TSPEAR: variants seen among roughly 807,000 people sequenced by gnomAD.
The protein encoded by TSPEAR is thrombospondin type laminin G domain and EAR repeats.
Under a neutral mutation model 71.6 loss-of-function variants are expected in TSPEAR, and 69 were observed. That is an observed-to-expected ratio of 0.96 (90% confidence interval 0.79 to 1.18). TSPEAR has a LOEUF of 1.18. Among genes scored for constraint, TSPEAR ranks in the 50% most tolerant of loss-of-function variants. The pLI is 0.00. For missense variants in TSPEAR, 971 were observed against 894.9 expected (o/e 1.09, Z -1.09); for synonymous variants, 402 against 387.2 (o/e 1.04, Z -0.45).
intron 1 of TSPEAR, among the ~76,000 whole-genome samples, chr21:44,568,211 CT>C (rs2053729691): frequency 1.3e-5 from 2 of 152,206 alleles, no homozygotes; most frequent in Non-Finnish European, 2.9e-5. Context: ...CCCCCCACCC[CT>C]CCTCCTGCTC....
chr21:44,690,513 C>G, intron 1 of TSPEAR: 1 of 979,486 alleles, frequency 1.0e-6, no homozygotes, highest in African/African-American at 1.7e-5. Flanking sequence ...CATCAGACAT[C>G]TCATCAGCAG....
intron 2 of TSPEAR, 116 bp from the exon 3 acceptor site, chr21:44,534,039 A>AC: frequency 2.6e-6 from 2 of 755,570 alleles, no homozygotes; most frequent in Non-Finnish European, 4.4e-6. Flanking sequence ...GCAGGGGCTG[A>AC]CTGGAGGGGC....
chr21:44,506,337 C>T lies in TSPEAR; in HGVS notation c.1755-1456G>A, dbSNP rs374286181. On this transcript the variant is annotated intron_variant, in intron 10 of 11. Transcript: ENST00000323084. This position sits in a 1 kb window ranked among gnomAD's most constrained non-coding sequence, Gnocchi z 4.2. Reference sequence around the variant, plus strand: ...AAGATGAGGAAATGGAGGTCGAAGCCATGCACACGCAGGCGTCCTGCTGAC... The same window carrying T: ...AAGATGAGGAAATGGAGGTCGAAGCTATGCACACGCAGGCGTCCTGCTGAC... Among the ~76,000 whole-genome samples, 1 of 152,242 alleles carries T rather than the reference C, an allele frequency of 6.6e-6. No homozygotes were observed.
intron 1 of TSPEAR, chr21:44,602,258 C>T (rs782528254): frequency 6.6e-5 from 11 of 165,892 alleles, no homozygotes; most frequent in East Asian, 1.7e-4. Flanking sequence ...GCTGCTCCCA[C>T]GCCACGAGGT....
chr21:44,567,924 CCGTGAACCTGAACTA>C lies in TSPEAR; in HGVS notation c.149_163del (p.Ile50_Gly55delinsSer). 1 of 1,604,578 alleles carries C rather than the reference CCGTGAACCTGAACTA, an allele frequency of 6.2e-7. No homozygotes were observed. ...TACTGAGAGCTGGAGTCCCCGTGCA[CCGTGAACCTGAACTA>C]TCCTGATCCCGCTTGTGGCGCCATC... is the stretch of plus-strand genomic sequence containing the variant. On this transcript the variant is annotated inframe_deletion, in exon 2 of 12. Transcript: ENST00000323084.
At position 44,527,225 on chromosome 21, in the gene TSPEAR, C is replaced by T. The variant is rs587719818; in HGVS notation, c.1149+67G>A. The T allele has an allele frequency of 4.5e-6, 7 of 1,553,532 alleles. No individual in the cohort carries two copies. The South Asian group carries it at 6.8e-5, about 15-fold the overall frequency. ...TTACCTGCAGAATCAGTGTAGGGGGCCCCGCCTGTGGACTCGGGGCTTTCC... is the reference window on the plus strand; with the variant it reads ...TTACCTGCAGAATCAGTGTAGGGGGTCCCGCCTGTGGACTCGGGGCTTTCC... On this transcript the variant is annotated intron_variant, in intron 7 of 11. Transcript: ENST00000323084.
intron 9 of TSPEAR, among the ~76,000 whole-genome samples, chr21:44,514,639 C>G (rs17004654): frequency 0.055 from 8,380 of 152,258 alleles, 757 homozygotes; most frequent in African/African-American, 0.18. Context: ...CGCGACTGCA[C>G]GGCCTACTCC....
chr21:44,635,574 A>G lies in TSPEAR; in HGVS notation c.83-67569T>C, dbSNP rs115093328. 6.2e-3 allele frequency among the ~76,000 whole-genome samples: 942 copies of G among 152,286 alleles called. 6 individuals carry two copies. The highest frequency in any genetic ancestry group is 0.021 in the African/African-American group (882 of 41,528). On this transcript the variant is annotated intron_variant, in intron 1 of 11. Transcript: ENST00000323084. ...GAACAAAGCTAGACACAAAGACCACATATTCCATGACTGCGTCTATATGAA... is the reference window on the plus strand; with the variant it reads ...GAACAAAGCTAGACACAAAGACCACGTATTCCATGACTGCGTCTATATGAA...
At chr21:44,640,205 A>T (rs1983946798) in intron 1 of TSPEAR, among the ~76,000 whole-genome samples, 3 of 152,224 alleles carry the variant, frequency 2.0e-5, no homozygotes, top group Admixed American at 2.0e-4. Flanking sequence ...GCCCATCCCC[A>T]TGGGAATATT....
rs895529228 is a variant in TSPEAR, at chr21:44,546,783, T to C, written c.304-12860A>G. On this transcript the variant is annotated intron_variant, in intron 2 of 11. Coordinates refer to ENST00000323084, the MANE Select transcript of TSPEAR (RefSeq NM_144991.3). The surrounding 1 kb of genome is among the most constrained non-coding windows in gnomAD (Gnocchi z 4.4). Reference sequence around the variant, plus strand: ...GATGAGAAATTCGCTGTTAGTCTTCTGTCCAGCAGCTTTCTAGATTCTGTT... The same window carrying C: ...GATGAGAAATTCGCTGTTAGTCTTCCGTCCAGCAGCTTTCTAGATTCTGTT... Among the ~76,000 whole-genome samples, 9 of 152,270 alleles carry C rather than the reference T, an allele frequency of 5.9e-5. No homozygotes were observed. Among genetic ancestry groups the C allele is most frequent in the Non-Finnish European group, 1.0e-4 (7 of 68,046 alleles).
intron 1 of TSPEAR, chr21:44,647,304 C>A: frequency 6.2e-7 from 1 of 1,613,850 alleles, no homozygotes; most frequent in Non-Finnish European, 8.5e-7. Context: ...GCCCCGCAAG[C>A]TCCCGCCTGG....
intron 1 of TSPEAR, among the ~76,000 whole-genome samples, chr21:44,595,771 C>T (rs1186412632): frequency 5.9e-5 from 9 of 152,224 alleles, no homozygotes; most frequent in Non-Finnish European, 7.3e-5. Flanking sequence ...TGCACATACA[C>T]ATACATACAT....
At chr21:44,550,092 T>C (rs2053378928) in intron 2 of TSPEAR, among the ~76,000 whole-genome samples, 1 of 152,230 alleles carries the variant, frequency 6.6e-6, no homozygotes, top group South Asian at 2.1e-4. Flanking sequence ...CTACCCACAG[T>C]GCGTGGGGCG....
intron 1 of TSPEAR, chr21:44,580,516 G>A: frequency 6.2e-7 from 1 of 1,613,732 alleles, no homozygotes; most frequent in South Asian, 1.1e-5. Context: ...TCTCTGGGCA[G>A]TCGTCCACTC....
At chr21:44,577,577 T>TG (rs1250868550) in intron 1 of TSPEAR, among the ~76,000 whole-genome samples, 1 of 152,156 alleles carries the variant, frequency 6.6e-6, no homozygotes, top group Non-Finnish European at 1.5e-5. Flanking sequence ...CTCATTATTG[T>TG]GGGGGTGGCA....
chr21:44,548,794 G>C (rs2053347618), intron 2 of TSPEAR, among the ~76,000 whole-genome samples: 1 of 152,158 alleles, frequency 6.6e-6, no homozygotes, highest in South Asian at 2.1e-4. Context: ...TCTTTGGAGG[G>C]CATTTCTCAG....
intron 1 of TSPEAR, among the ~76,000 whole-genome samples, chr21:44,595,241 C>T (rs1555927476): frequency 6.6e-6 from 1 of 152,222 alleles, no homozygotes; most frequent in Non-Finnish European, 1.5e-5. Context: ...CTGTCTCTGT[C>T]TGTCTGCCTC....
chr21:44,697,318 C>T (rs1486322274), intron 1 of TSPEAR: 2 of 1,613,334 alleles, frequency 1.2e-6, no homozygotes, highest in Non-Finnish European at 1.7e-6. Flanking sequence ...GCTGTGAGCC[C>T]CCCTGCTGCG....
intron 1 of TSPEAR, among the ~76,000 whole-genome samples, chr21:44,576,392 C>T (rs909567283): frequency 7.5e-5 from 10 of 133,230 alleles, no homozygotes; most frequent in African/African-American, 2.0e-4. Context: ...AACAGACACA[C>T]GGACGTCCCA....
Sources: gnomAD v4.1 joint callset for allele counts (sites outside exome capture counted in the v4.1 genomes callset) on GRCh38, gnomAD v4.1.1 for gene constraint, Gnocchi (gnomAD v3.1) non-coding constraint, MANE v1.5 for transcripts, NCBI Gene and HGNC (gene_info 2026-07-23, HGNC 2026-07-21) for gene names.